CCDC178: variants seen among roughly 807,000 people sequenced by gnomAD.
CCDC178 encodes the protein coiled-coil domain containing 178, also known as coiled-coil domain-containing protein 178.
Under a neutral mutation model 117.4 loss-of-function variants are expected in CCDC178, and 126 were observed. That is an observed-to-expected ratio of 1.07 (90% CI 0.93 to 1.24). The LOEUF (loss-of-function observed/expected upper bound fraction) is 1.24, where lower values mean the gene tolerates loss of function less well. Among genes scored for constraint, CCDC178 ranks in the 50% most tolerant of loss-of-function variants. The pLI is 0.00. For missense variants in CCDC178, 1,030 were observed against 986.9 expected, an observed-to-expected ratio of 1.04 and a Z score of -0.59; for synonymous variants, 283 against 313.4, an observed-to-expected ratio of 0.90 and a Z score of 1.02.
rs985482070 is a variant in CCDC178, at chr18:33,053,113, G to T, written c.2388+39648C>A. 2.0e-5 allele frequency among the ~76,000 whole-genome samples: 3 copies of T among 152,170 alleles called. No individual in the cohort carries two copies. In the South Asian group the frequency reaches 6.2e-4, roughly 32 times the overall value. ...AGATGCTCTACAAATATTAGCAAGA[G>T]CAATGTGACCAAAGCAGGCTGCTAG... On this transcript the variant is annotated intron_variant, in intron 21 of 22. Coordinates refer to ENST00000383096, the MANE Select transcript of CCDC178 (RefSeq NM_001105528.4).
At chr18:33,266,633 G>T (rs1324007659) in intron 14 of CCDC178, among the ~76,000 whole-genome samples, 5 of 138,576 alleles carry the variant, frequency 3.6e-5, no homozygotes, top group Non-Finnish European at 7.8e-5. Context: ...ACACACCGGG[G>T]ACTGTTGTGG....
At chr18:33,003,985 A>G (rs968982256) in intron 21 of CCDC178, among the ~76,000 whole-genome samples, 1 of 152,120 alleles carries the variant, frequency 6.6e-6, no homozygotes, top group Non-Finnish European at 1.5e-5. Flanking sequence ...AAAAATCTCT[A>G]CAATGAAAAC....
chr18:33,012,216 T>C (rs978795028), intron 21 of CCDC178, among the ~76,000 whole-genome samples: 7 of 152,224 alleles, frequency 4.6e-5, no homozygotes, highest in Admixed American at 2.0e-4. Context: ...AACATTATAT[T>C]ATTTTCCTGT....
At chr18:33,033,653 C>T (rs1249674177) in intron 21 of CCDC178, among the ~76,000 whole-genome samples, 1 of 152,056 alleles carries the variant, frequency 6.6e-6, no homozygotes, top group Non-Finnish European at 1.5e-5. Flanking sequence ...TAGCAGTCAA[C>T]CCGACTTTCG....
intron 11 of CCDC178, among the ~76,000 whole-genome samples, chr18:33,316,268 G>T (rs1271291749): frequency 6.6e-6 from 1 of 152,230 alleles, no homozygotes; most frequent in Non-Finnish European, 1.5e-5. Flanking sequence ...CGCGGTGCTT[G>T]CGGGATAGCG....
At chr18:33,122,045 T>C (rs1413812485) in intron 20 of CCDC178, among the ~76,000 whole-genome samples, 1 of 152,156 alleles carries the variant, frequency 6.6e-6, no homozygotes, top group Non-Finnish European at 1.5e-5. Context: ...TGTATCAGTA[T>C]ACTTACTCTA....
chr18:33,032,026 A>C (rs2056354306), intron 21 of CCDC178, among the ~76,000 whole-genome samples: 1 of 152,144 alleles, frequency 6.6e-6, no homozygotes, highest in Non-Finnish European at 1.5e-5. Context: ...TAATTATATA[A>C]CTTTCACAAA....
At chr18:33,096,198 T>C (rs2057539991) in intron 20 of CCDC178, among the ~76,000 whole-genome samples, 1 of 151,028 alleles carries the variant, frequency 6.6e-6, no homozygotes, top group Non-Finnish European at 1.5e-5. Flanking sequence ...TTTCAGTTTA[T>C]TTTTCCTTCT....
At chr18:33,007,997 T>G (rs558485594) in intron 21 of CCDC178, among the ~76,000 whole-genome samples, 1 of 152,284 alleles carries the variant, frequency 6.6e-6, no homozygotes, top group South Asian at 2.1e-4. Context: ...GGCTTCTCAT[T>G]TCTTGTAATT....
intron 12 of CCDC178, among the ~76,000 whole-genome samples, chr18:33,288,597 C>A (rs1244207076): frequency 6.6e-6 from 1 of 151,594 alleles, no homozygotes; most frequent in Non-Finnish European, 1.5e-5. Context: ...GCATCTCCTG[C>A]CCTTAAAAAC....
chr18:33,154,865 T>C (rs1256394652), intron 20 of CCDC178, among the ~76,000 whole-genome samples: 1 of 152,074 alleles, frequency 6.6e-6, no homozygotes, highest in Non-Finnish European at 1.5e-5. Flanking sequence ...TGTATAAATA[T>C]CTAACAAAGC....
At chr18:33,245,094 G>T in intron 15 of CCDC178, 151 bp downstream of exon 15, 1 of 639,286 alleles carries the variant, frequency 1.6e-6, no homozygotes, top group Non-Finnish European at 2.4e-6. Flanking sequence ...CCTTTGGAGA[G>T]AGGTGGTTTT....
chr18:33,106,051 T>C (rs1342731061), intron 20 of CCDC178, among the ~76,000 whole-genome samples: 1 of 151,548 alleles, frequency 6.6e-6, no homozygotes, highest in Non-Finnish European at 1.5e-5. Context: ...AACAGAGAAA[T>C]GATAAATTTC....
chr18:33,031,240 G>GTT (rs199589045), intron 21 of CCDC178, among the ~76,000 whole-genome samples: 1 of 141,508 alleles, frequency 7.1e-6, no homozygotes, highest in African/African-American at 2.6e-5. Flanking sequence ...TATTTTTGGA[G>GTT]TTTTTTTTTT....
chr18:32,989,638 T>C (rs918078457), intron 21 of CCDC178, among the ~76,000 whole-genome samples: 3 of 152,172 alleles, frequency 2.0e-5, no homozygotes, highest in Admixed American at 2.0e-4. Flanking sequence ...GCATGTCATA[T>C]ATTTTCATGT....
At chr18:33,342,384 G>T (rs192468242) in intron 9 of CCDC178, among the ~76,000 whole-genome samples, 1 of 152,308 alleles carries the variant, frequency 6.6e-6, no homozygotes. Context: ...AGATATGATA[G>T]ATATGTTGTT....
At chr18:33,030,812 TGA>T (rs2056327285) in intron 21 of CCDC178, among the ~76,000 whole-genome samples, 1 of 152,050 alleles carries the variant, frequency 6.6e-6, no homozygotes, top group African/African-American at 2.4e-5. Context: ...GATATAGATA[TGA>T]GAGAGAGAAT....
At chr18:33,114,427 A>T (rs1320324563) in intron 20 of CCDC178, among the ~76,000 whole-genome samples, 3 of 152,088 alleles carry the variant, frequency 2.0e-5, no homozygotes, top group African/African-American at 7.2e-5. Flanking sequence ...TGAGAAGGGG[A>T]ACACTGCAAT....
intron 5 of CCDC178, among the ~76,000 whole-genome samples, chr18:33,375,125 C>T (rs759325509): frequency 1.4e-4 from 22 of 152,118 alleles, no homozygotes; most frequent in Non-Finnish European, 2.8e-4. Context: ...CTCCATATAT[C>T]TGTTTTATAA....
Sources: allele counts gnomAD v4.1 joint callset (sites outside exome capture counted in the v4.1 genomes callset), GRCh38; gene constraint gnomAD v4.1.1; transcripts MANE v1.5; gene names NCBI Gene and HGNC (gene_info 2026-07-23, HGNC 2026-07-21).